DCUN1D5: variants seen among roughly 807,000 people sequenced by gnomAD.
DCUN1D5 encodes the protein DCN1-like protein 5.
DCUN1D5 carries 10 observed loss-of-function variants against 38.3 expected under a neutral mutation model. That is an observed-to-expected ratio of 0.26 (90% CI 0.16 to 0.44). The LOEUF is 0.44. Ranked by LOEUF, DCUN1D5 falls within the 20% of genes least tolerant of loss-of-function variation. The pLI, the probability that DCUN1D5 is intolerant of heterozygous loss-of-function variation, is 1.00. For missense variants in DCUN1D5, 148 were observed against 275.3 expected (o/e 0.54, Z 3.27); for synonymous variants, 93 against 90.9 (o/e 1.02, Z -0.13).
At position 103,058,273 on chromosome 11, in the gene DCUN1D5, A is replaced by G. The variant is rs982771636; in HGVS notation, c.*4086T>C. 6.6e-6 allele frequency among the ~76,000 whole-genome samples: 1 copy of G among 152,382 alleles called. No individual in the cohort carries two copies. The highest frequency in any genetic ancestry group is 1.9e-4 in the East Asian group (1 of 5,190). On this transcript the variant is annotated 3_prime_UTR_variant, in exon 8 of 8. Coordinates refer to ENST00000260247, the MANE Select transcript of DCUN1D5 (RefSeq NM_032299.4). ...TCCTAAAAAGAAAATGGTCACACCA[A>G]TAACAACTGGTCAGGAAAAGGAGCA...
In DCUN1D5 at chr11:103,053,717, ATAT is replaced by A. The variant is rs1861804028; in HGVS notation, c.*8639_*8641del. On this transcript the variant is annotated 3_prime_UTR_variant, in exon 8 of 8. Transcript: ENST00000260247. This position sits in a 1 kb window ranked among gnomAD's most constrained non-coding sequence, Gnocchi z 4.8. ...TGAATTTTAATTATATGAATATATC[ATAT>A]TATCACATGTACCCCCCAAATAAAT... 1 of 144,292 alleles carries A rather than the reference ATAT, an allele frequency of 6.9e-6. No individual in the cohort carries two copies. Among genetic ancestry groups the A allele is most frequent in the South Asian group, 2.1e-4 (1 of 4,824 alleles). The allele number at this position is 144,292 out of a possible 1,614,324, so 8.9% of individuals were successfully genotyped here.
intron 4 of DCUN1D5, among the ~76,000 whole-genome samples, chr11:103,072,430 T>C (rs1425889210): frequency 6.7e-6 from 1 of 150,046 alleles, no homozygotes; most frequent in African/African-American, 2.5e-5. Flanking sequence ...CAAAGGATTA[T>C]AAATCATGCT....
Position 103,057,377 on chromosome 11 carries a change from A to C in DCUN1D5, c.*4982T>G, listed in dbSNP as rs796198532. Among the ~76,000 whole-genome samples, 7 of 152,056 alleles carry C rather than the reference A, an allele frequency of 4.6e-5. No homozygotes were observed. The highest frequency in any genetic ancestry group is 1.7e-4 in the African/African-American group (7 of 41,492). Reference sequence around the variant, plus strand: ...TTTTTGACCTTCAAAATATGTGAGGAGCTTTTATCTGTGATCTATTTTCTA... The same window carrying C: ...TTTTTGACCTTCAAAATATGTGAGGCGCTTTTATCTGTGATCTATTTTCTA... On this transcript the variant is annotated 3_prime_UTR_variant, in exon 8 of 8. Transcript: ENST00000260247. This position sits in a 1 kb window ranked among gnomAD's most constrained non-coding sequence, Gnocchi z 4.8.
rs977676042 is a variant in DCUN1D5, at chr11:103,087,831, A to C, written c.178+1396T>G. ...TCTTACACTACCTAGGAAAGTTCCT[A>C]GTTGAGGCAAATATTTTCTATTTCT... On this transcript the variant is annotated intron_variant, in intron 2 of 7. Transcript: ENST00000260247. The surrounding 1 kb of genome is among the most constrained non-coding windows in gnomAD (Gnocchi z 4.1). Among the ~76,000 whole-genome samples the C allele has an allele frequency of 8.5e-5, 13 of 152,222 alleles. 1 individual carries two copies. Among genetic ancestry groups the C allele is most frequent in the Admixed American group, 8.5e-4 (13 of 15,288 alleles).
At position 103,051,517 on chromosome 11, in the gene DCUN1D5, C is replaced by CAA. The variant is rs1861737403; in HGVS notation, c.*10841_*10842insTT. On this transcript the variant is annotated 3_prime_UTR_variant, in exon 8 of 8. Coordinates refer to ENST00000260247, the MANE Select transcript of DCUN1D5 (RefSeq NM_032299.4). ...ATATTTACTTCCCCCCCCCCCCCGC[C>CAA]ACCCCTGTGTTAACAGGTTTACTGG... 1.4e-5 allele frequency: 2 copies of CAA among 146,090 alleles called. No individual in the cohort carries two copies. The highest frequency in any genetic ancestry group is 3.0e-5 in the Non-Finnish European group (2 of 66,566). 9.0% of individuals were successfully genotyped at this position (146,090 alleles called of 1,614,324 possible). A position where few individuals can be genotyped will look rare whatever the true frequency, so the allele number is the denominator to read the frequency against.
chr11:103,057,957 A>T lies in DCUN1D5; in HGVS notation c.*4402T>A, dbSNP rs931550604. Reference sequence around the variant, plus strand: ...AACACCCCAGAAGGATAAAACTTCTAAAAAATGATATAATTTGGGGGAAAG... The same window carrying T: ...AACACCCCAGAAGGATAAAACTTCTTAAAAATGATATAATTTGGGGGAAAG... On this transcript the variant is annotated 3_prime_UTR_variant, in exon 8 of 8. Coordinates refer to ENST00000260247, the MANE Select transcript of DCUN1D5 (RefSeq NM_032299.4). The surrounding 1 kb of genome is among the most constrained non-coding windows in gnomAD (Gnocchi z 4.8). 2.0e-5 allele frequency among the ~76,000 whole-genome samples: 3 copies of T among 152,198 alleles called. No individual in the cohort carries two copies. Among genetic ancestry groups the T allele is most frequent in the Non-Finnish European group, 4.4e-5 (3 of 68,028 alleles).
At chr11:103,089,536 C>G (rs1862800885) in intron 1 of DCUN1D5, among the ~76,000 whole-genome samples, 1 of 152,066 alleles carries the variant, frequency 6.6e-6, no homozygotes, top group Non-Finnish European at 1.5e-5. Context: ...TACCTTTTCA[C>G]TCAGTATCAA....
chr11:103,070,432 C>T (rs1224748371), intron 4 of DCUN1D5, among the ~76,000 whole-genome samples: 1 of 152,036 alleles, frequency 6.6e-6, no homozygotes, highest in Non-Finnish European at 1.5e-5. Flanking sequence ...AATAGAGCAA[C>T]TTCAGAGCAA....
At position 103,068,905 on chromosome 11, in the gene DCUN1D5, T is replaced by G. The variant is rs567054234; in HGVS notation, c.342-2338A>C. 8.5e-4 allele frequency among the ~76,000 whole-genome samples: 130 copies of G among 152,262 alleles called. 1 individual carries two copies. The highest frequency in any genetic ancestry group is 3.0e-3 in the Admixed American group (46 of 15,294). The stretch of plus-strand genomic sequence containing the variant: ...TTTTTGCTTTCAGTATTTACTTGTA[T>G]ATGACACCTTGACAAGAACTGTTTT... On this transcript the variant is annotated intron_variant, in intron 4 of 7. Coordinates refer to ENST00000260247, the MANE Select transcript of DCUN1D5 (RefSeq NM_032299.4).
In DCUN1D5 at chr11:103,056,397, A is replaced by G. The variant is rs527683352; in HGVS notation, c.*5962T>C. 7.2e-5 allele frequency among the ~76,000 whole-genome samples: 11 copies of G among 152,248 alleles called. No individual in the cohort carries two copies. The South Asian group carries it at 1.2e-3, about 17-fold the overall frequency. On this transcript the variant is annotated 3_prime_UTR_variant, in exon 8 of 8. Coordinates refer to ENST00000260247, the MANE Select transcript of DCUN1D5 (RefSeq NM_032299.4). This position sits in a 1 kb window ranked among gnomAD's most constrained non-coding sequence, Gnocchi z 4.9. ...CCAGCTCAGGGCCTTAGCATGTAAT[A>G]TTCCTTCTGCCTGGAATGCTCTCCT...
At position 103,062,600 on chromosome 11, in the gene DCUN1D5, G is replaced by A. The variant is rs1291606990; in HGVS notation, c.659-186C>T. ...TAGCCTTTTCTTTTTTGCCCTTAAA[G>A]ACACAAGGAACAATGGTATCTATAG... On this transcript the variant is annotated intron_variant, in intron 7 of 7. Transcript: ENST00000260247. This position sits in a 1 kb window ranked among gnomAD's most constrained non-coding sequence, Gnocchi z 4.6. Among the ~76,000 whole-genome samples, 1 of 151,984 alleles carries A rather than the reference G, an allele frequency of 6.6e-6. No homozygotes were observed. Among genetic ancestry groups the A allele is most frequent in the Non-Finnish European group, 1.5e-5 (1 of 67,958 alleles).
At chr11:103,076,158 T>C (rs1253875821) in intron 4 of DCUN1D5, among the ~76,000 whole-genome samples, 1 of 152,210 alleles carries the variant, frequency 6.6e-6, no homozygotes, top group Non-Finnish European at 1.5e-5. Flanking sequence ...CTTTCTTTCC[T>C]TACCATCAGA....
At chr11:103,074,238 G>GT (rs552113585) in intron 4 of DCUN1D5, among the ~76,000 whole-genome samples, 77 of 152,298 alleles carry the variant, frequency 5.1e-4, no homozygotes, top group African/African-American at 1.8e-3. Flanking sequence ...CAAAAGACTA[G>GT]TATCAGCAAA....
chr11:103,091,479 T>C lies in DCUN1D5; in HGVS notation c.86+308A>G, dbSNP rs1264587345. On this transcript the variant is annotated intron_variant, in intron 1 of 7. Coordinates refer to ENST00000260247, the MANE Select transcript of DCUN1D5 (RefSeq NM_032299.4). This position sits in a 1 kb window ranked among gnomAD's most constrained non-coding sequence, Gnocchi z 4.3. Reference sequence around the variant, plus strand: ...GGAGTAGGGGATCGAGGGTCGGTTGTGGGGTGGGGGTGGGGGTGGGGGGAA... The same window carrying C: ...GGAGTAGGGGATCGAGGGTCGGTTGCGGGGTGGGGGTGGGGGTGGGGGGAA... 2.3e-5 allele frequency: 5 copies of C among 215,572 alleles called. No individual in the cohort carries two copies. The highest frequency in any genetic ancestry group is 4.0e-5 in the Non-Finnish European group (5 of 123,894). The allele number at this position is 215,572 out of a possible 1,614,324, so 13.4% of individuals were successfully genotyped here. A position where few individuals can be genotyped will look rare whatever the true frequency, so the allele number is the denominator to read the frequency against.
chr11:103,085,961 A>G (rs1862694878), intron 2 of DCUN1D5, among the ~76,000 whole-genome samples: 1 of 152,218 alleles, frequency 6.6e-6, no homozygotes, highest in Admixed American at 6.5e-5. Context: ...CCAGTATATT[A>G]CTGAATCATT....
chr11:103,079,782 CA>C (rs199623565), intron 4 of DCUN1D5: 38,780 of 119,756 alleles, frequency 0.32, 4,880 homozygotes, highest in Middle Eastern at 0.39. Context: ...GACCCTGTCT[CA>C]AAAAAAAAAA....
At chr11:103,085,636 C>T (rs1231801355) in intron 2 of DCUN1D5, among the ~76,000 whole-genome samples, 1 of 152,160 alleles carries the variant, frequency 6.6e-6, no homozygotes, top group Non-Finnish European at 1.5e-5. Context: ...AGATCTAAGT[C>T]TAAAGCGAGG....
At position 103,055,406 on chromosome 11, in the gene DCUN1D5, T is replaced by G. The variant is rs942561039; in HGVS notation, c.*6953A>C. The G allele has an allele frequency of 2.0e-5, 3 of 152,092 alleles. No individual in the cohort carries two copies. Among genetic ancestry groups the G allele is most frequent in the Non-Finnish European group, 4.4e-5 (3 of 67,996 alleles). 9.4% of individuals were successfully genotyped at this position (152,092 alleles called of 1,614,324 possible). On this transcript the variant is annotated 3_prime_UTR_variant, in exon 8 of 8. Transcript: ENST00000260247. ...GAATTGGAATAGCAATTTCCAACAA[T>G]GAGAAAAAGAAACTAGCACTCCAGA...
rs1457616845 is a variant in DCUN1D5, at chr11:103,058,747, T to C, written c.*3612A>G. ...GAAGTTAATGAAATTGTTATTCCTC[T>C]TTCTCCTGAAAAAAAAATGATCCTT... On this transcript the variant is annotated 3_prime_UTR_variant, in exon 8 of 8. Coordinates refer to ENST00000260247, the MANE Select transcript of DCUN1D5 (RefSeq NM_032299.4). Among the ~76,000 whole-genome samples, 1 of 152,088 alleles carries C rather than the reference T, an allele frequency of 6.6e-6. No homozygotes were observed. The highest frequency in any genetic ancestry group is 2.4e-5 in the African/African-American group (1 of 41,430).
Sources: gnomAD v4.1 joint callset for allele counts (sites outside exome capture counted in the v4.1 genomes callset) on GRCh38, gnomAD v4.1.1 for gene constraint, Gnocchi (gnomAD v3.1) non-coding constraint, MANE v1.5 for transcripts, NCBI Gene and HGNC (gene_info 2026-07-23, HGNC 2026-07-21) for gene names.